TET1: variants seen among roughly 807,000 people sequenced by gnomAD.
The protein encoded by TET1 is methylcytosine dioxygenase TET1.
TET1 carries 13 observed loss-of-function variants against 148.7 expected under a neutral mutation model. The observed-to-expected ratio is 0.09, with a 90% CI of 0.06 to 0.14. The LOEUF (loss-of-function observed/expected upper bound fraction) is 0.14. TET1 is among the 10% of genes least tolerant of loss of function. TET1 has a pLI of 1.00. For missense variants in TET1, 2,182 were observed against 2,553.8 expected (o/e 0.85, Z 3.14); for synonymous variants, 907 against 937.2 (o/e 0.97, Z 0.59).
chr10:68,685,714 G>T (rs758939819), intron 10 of TET1, among the ~76,000 whole-genome samples: 2 of 152,074 alleles, frequency 1.3e-5, no homozygotes, highest in African/African-American at 2.4e-5. Flanking sequence ...AAAATAGGTT[G>T]CATTTAAGAT....
chr10:68,561,767 T>A (rs2053557469), intron 1 of TET1, among the ~76,000 whole-genome samples: 1 of 147,768 alleles, frequency 6.8e-6, no homozygotes, highest in Non-Finnish European at 1.5e-5. Flanking sequence ...ATATATATAT[T>A]CTACAAGAAG....
At chr10:68,562,233 A>G (rs2133656770) in intron 1 of TET1, among the ~76,000 whole-genome samples, 1 of 152,322 alleles carries the variant, frequency 6.6e-6, no homozygotes, top group African/African-American at 2.4e-5. Context: ...GTAAAATAAA[A>G]GCAATGGTTT....
chr10:68,637,601 C>T (rs1387116241), intron 3 of TET1, among the ~76,000 whole-genome samples: 2 of 138,510 alleles, frequency 1.4e-5, no homozygotes, highest in Non-Finnish European at 3.1e-5. Context: ...TCTTGGCTTA[C>T]TGCAACCTCT....
At chr10:68,641,168 C>A (rs1478893835) in intron 3 of TET1, among the ~76,000 whole-genome samples, 1 of 151,762 alleles carries the variant, frequency 6.6e-6, no homozygotes, top group African/African-American at 2.4e-5. Flanking sequence ...TGTCTTTTGG[C>A]AACATGATAA....
chr10:68,658,782 C>T (rs1034433640), intron 6 of TET1, among the ~76,000 whole-genome samples: 2 of 152,086 alleles, frequency 1.3e-5, no homozygotes, highest in African/African-American at 4.8e-5. Flanking sequence ...CAAGGAGAAT[C>T]ACTTGAACCT....
At chr10:68,634,804 G>A (rs543555916) in intron 3 of TET1, among the ~76,000 whole-genome samples, 4 of 151,950 alleles carry the variant, frequency 2.6e-5, no homozygotes, top group South Asian at 2.1e-4. Context: ...TCACTCTGTC[G>A]CCCAGTCTGG....
intron 9 of TET1, among the ~76,000 whole-genome samples, chr10:68,682,268 C>A (rs1337791060): frequency 6.6e-6 from 1 of 151,408 alleles, no homozygotes; most frequent in Non-Finnish European, 1.5e-5. Context: ...TGCGCCACCA[C>A]ACCCCGCTAA....
rs71470530 is a variant in TET1 at position 68,595,612 on chromosome 10, C to CTT, written c.1915-5348_1915-5347dup. ...CACAACACACACACACACACAGCTT[C>CTT]TTTTTTTTTTTTTTTTTTTTTTGAG... On this transcript the variant is annotated intron_variant, in intron 2 of 11. Transcript: ENST00000373644. 4.9e-3 allele frequency among the ~76,000 whole-genome samples: 378 copies of CTT among 76,440 alleles called. 10 individuals carry two copies. Among genetic ancestry groups the CTT allele is most frequent in the Middle Eastern group, 0.014 (2 of 140 alleles). The allele number at this position is 76,440 out of a possible 152,430, so 50.1% of individuals were successfully genotyped here.
At chr10:68,642,260 C>G (rs181206832) in intron 3 of TET1, among the ~76,000 whole-genome samples, 83 of 152,038 alleles carry the variant, frequency 5.5e-4, no homozygotes, top group Admixed American at 1.6e-3. Context: ...GACCCTGTCT[C>G]TACAAAAAAT....
intron 3 of TET1, among the ~76,000 whole-genome samples, chr10:68,640,020 C>T (rs925880830): frequency 2.0e-5 from 3 of 151,502 alleles, no homozygotes; most frequent in African/African-American, 4.9e-5. Context: ...CTCCTCCTCC[C>T]GAGTTCAAGC....
chr10:68,568,252 C>T (rs1365172223), intron 1 of TET1, among the ~76,000 whole-genome samples: 28 of 118,922 alleles, frequency 2.4e-4, no homozygotes, highest in Non-Finnish European at 4.2e-4. Context: ...GATGGCATTT[C>T]ACTCTTGTCA....
rs1444788562 is a variant in TET1 at position 68,692,208 on chromosome 10, A to G, written c.*394A>G. On this transcript the variant is annotated 3_prime_UTR_variant, in exon 12 of 12. Coordinates refer to ENST00000373644, the MANE Select transcript of TET1 (RefSeq NM_030625.3). ...AAGACACACAGTGTTAACTCTACACAGCTTCTGGTGCTTAACCACATCCAC... is the reference window on the plus strand; with the variant it reads ...AAGACACACAGTGTTAACTCTACACGGCTTCTGGTGCTTAACCACATCCAC... 4.0e-6 allele frequency: 1 copy of G among 250,486 alleles called. No homozygotes were observed. Among genetic ancestry groups the G allele is most frequent in the Non-Finnish European group, 7.8e-6 (1 of 128,216 alleles). The allele number at this position is 250,486 out of a possible 1,614,324, so 15.5% of individuals were successfully genotyped here.
Position 68,646,471 on chromosome 10 carries a change from C to G in TET1, c.3742C>G (p.Pro1248Ala). Residue 1248 changes from proline (P) to alanine (A), a missense_variant, in exon 4 of 12, where the codon CCT becomes GCT. By Grantham distance (27) the Pro-to-Ala change is conservative. Transcript: ENST00000373644. The stretch of plus-strand genomic sequence containing the variant: ...CACTCAGATAAAATTACAGAGATAT[C>G]CTGAATCAGCAGAGGAAAAGGTGAA... ...PLTQIKLQRY[P>A]ESAEEKVKVE... 1 of 1,614,112 alleles carries G rather than the reference C, an allele frequency of 6.2e-7. No homozygotes were observed. The highest frequency in any genetic ancestry group is 8.5e-7 in the Non-Finnish European group (1 of 1,180,018).
At chr10:68,577,702 T>C (rs10998296) in intron 2 of TET1, among the ~76,000 whole-genome samples, 83,672 of 151,896 alleles carry the variant, frequency 0.55, 23,141 homozygotes, top group Middle Eastern at 0.61. Context: ...CCAGCTACTC[T>C]GGAGGCTAAG....
intron 3 of TET1, among the ~76,000 whole-genome samples, chr10:68,604,661 G>T (rs1330696909): frequency 6.6e-6 from 1 of 152,170 alleles, no homozygotes; most frequent in Non-Finnish European, 1.5e-5. Flanking sequence ...TGTAGTACAC[G>T]CTGGTCAGCC....
chr10:68,563,213 C>T (rs1374440919), intron 1 of TET1, among the ~76,000 whole-genome samples: 1 of 152,022 alleles, frequency 6.6e-6, no homozygotes, highest in East Asian at 1.9e-4. Context: ...GAGCCATTGA[C>T]TAAATGTGCT....
At position 68,682,943 on chromosome 10, in the gene TET1, C is replaced by T. The variant is rs2055456411; in HGVS notation, c.5022C>T (p.Asp1674=). ...ACTTCTGTGCTCATCCCCACAGGGA[C>T]ATTCACAACATGAATAATGGAAGCA... The part of the protein sequence containing the change: ...CLDFCAHPHR[D]IHNMNNGSTV... The change falls in exon 10 of 12, where the codon GAC becomes GAT. Residue 1674 remains aspartate, a synonymous_variant. Transcript: ENST00000373644. The T allele has an allele frequency of 6.2e-7, 1 of 1,613,884 alleles. No individual in the cohort carries two copies. The highest frequency in any genetic ancestry group is 8.5e-7 in the Non-Finnish European group (1 of 1,179,990).
intron 3 of TET1, among the ~76,000 whole-genome samples, chr10:68,607,845 A>AATATAT (rs962894486): frequency 2.3e-4 from 34 of 147,932 alleles, no homozygotes; most frequent in Non-Finnish European, 4.2e-4. Flanking sequence ...TATAAATATA[A>AATATAT]ATATATATTT....
At chr10:68,647,105 C>T in intron 4 of TET1, 100 bp downstream of exon 4, 16 of 1,336,122 alleles carry the variant, frequency 1.2e-5, no homozygotes, top group Non-Finnish European at 1.6e-5. Flanking sequence ...GATATTTTTT[C>T]CCCATTCTTA....
Sources: gnomAD v4.1 joint callset for allele counts (sites outside exome capture counted in the v4.1 genomes callset) on GRCh38, gnomAD v4.1.1 for gene constraint, MANE v1.5 for transcripts, NCBI Gene and HGNC (gene_info 2026-07-23, HGNC 2026-07-21) for gene names.